GRM7: variants seen among roughly 807,000 people sequenced by gnomAD.
GRM7 encodes metabotropic glutamate receptor 7.
Under a neutral mutation model 84.5 loss-of-function variants are expected in GRM7, and 35 were observed. That is an observed-to-expected ratio of 0.41 (90% CI 0.32 to 0.55). The LOEUF is 0.55. GRM7 is among the 20% of genes least tolerant of loss of function. GRM7 has a pLI of 0.19. For missense variants in GRM7, 1,003 were observed against 1,194.6 expected, an observed-to-expected ratio of 0.84 and a Z score of 2.36; for synonymous variants, 487 against 455.1, an observed-to-expected ratio of 1.07 and a Z score of -0.89.
Position 7,182,929 on chromosome 3 carries a change from A to AGTG in GRM7, c.736+36263_736+36265dup, listed in dbSNP as rs1400592632. Among the ~76,000 whole-genome samples, 8 of 145,138 alleles carry AGTG rather than the reference A, an allele frequency of 5.5e-5. No individual in the cohort carries two copies. In the South Asian group the frequency reaches 1.1e-3, roughly 20 times the overall value. ...TTTTTTTTTTTTCAATGAAAAAGAC[A>AGTG]GTGGACTGGAACTTTTAGTAGTTTT... On this transcript the variant is annotated intron_variant, in intron 2 of 9. Transcript: ENST00000357716.
intron 7 of GRM7, among the ~76,000 whole-genome samples, chr3:7,497,406 T>G (rs1430866932): frequency 6.6e-6 from 1 of 152,184 alleles, no homozygotes; most frequent in Non-Finnish European, 1.5e-5. Flanking sequence ...GTTCCATGAA[T>G]TCTTCCTTCC....
At chr3:7,192,600 C>T (rs1236488416) in intron 2 of GRM7, among the ~76,000 whole-genome samples, 8 of 151,912 alleles carry the variant, frequency 5.3e-5, no homozygotes, top group Admixed American at 2.0e-4. Flanking sequence ...CCTAAGTGGC[C>T]ATTGACGCTC....
intron 7 of GRM7, among the ~76,000 whole-genome samples, chr3:7,561,835 G>A (rs1436834682): frequency 1.3e-5 from 2 of 152,150 alleles, no homozygotes; most frequent in African/African-American, 4.8e-5. Flanking sequence ...ATATATTCAT[G>A]TAAAATAGAC....
intron 7 of GRM7, among the ~76,000 whole-genome samples, chr3:7,557,234 G>A (rs1254171174): frequency 6.6e-6 from 1 of 152,054 alleles, no homozygotes; most frequent in East Asian, 1.9e-4. Flanking sequence ...AGAAATGTAG[G>A]TGGCTATGCT....
chr3:7,739,414 G>A (rs1702614778), intron 9 of GRM7, among the ~76,000 whole-genome samples: 1 of 152,152 alleles, frequency 6.6e-6, no homozygotes, highest in Admixed American at 6.5e-5. Context: ...AAAACAGTAA[G>A]CAAAATAAGC....
At chr3:6,937,897 A>G (rs1242626909) in intron 1 of GRM7, among the ~76,000 whole-genome samples, 1 of 152,364 alleles carries the variant, frequency 6.6e-6, no homozygotes, top group Non-Finnish European at 1.5e-5. Context: ...TGTAGACTAC[A>G]TGCCTCTTGT....
chr3:7,060,000 T>C (rs1187069665), intron 1 of GRM7, among the ~76,000 whole-genome samples: 1 of 151,836 alleles, frequency 6.6e-6, no homozygotes, highest in Non-Finnish European at 1.5e-5. Context: ...AGAGTATACA[T>C]ATTCCAGGCG....
chr3:6,980,859 G>T (rs567372056), intron 1 of GRM7, among the ~76,000 whole-genome samples: 1 of 152,342 alleles, frequency 6.6e-6, no homozygotes, highest in East Asian at 1.9e-4. Context: ...AGAGAAATAG[G>T]AAAAGGCTAT....
At chr3:7,443,994 A>G (rs184238951) in intron 5 of GRM7, among the ~76,000 whole-genome samples, 48 of 152,324 alleles carry the variant, frequency 3.2e-4, no homozygotes, top group Admixed American at 6.5e-4. Flanking sequence ...GGAGGAGGAA[A>G]AAAGATTAAG....
chr3:7,551,675 A>G (rs1693485977), intron 7 of GRM7, among the ~76,000 whole-genome samples: 1 of 151,878 alleles, frequency 6.6e-6, no homozygotes, highest in Non-Finnish European at 1.5e-5. Context: ...TAGTTGCACA[A>G]TAAATGAGAG....
At chr3:7,324,249 G>C (rs1700896531) in intron 4 of GRM7, among the ~76,000 whole-genome samples, 1 of 152,128 alleles carries the variant, frequency 6.6e-6, no homozygotes, top group Admixed American at 6.5e-5. Context: ...AAGATTCCTT[G>C]AAAAATCTAG....
chr3:7,271,456 G>C (rs941654781), intron 2 of GRM7, among the ~76,000 whole-genome samples: 1 of 151,534 alleles, frequency 6.6e-6, no homozygotes, highest in African/African-American at 2.4e-5. Flanking sequence ...CTACTCGGGA[G>C]GCTGAGGCAG....
intron 9 of GRM7, chr3:7,680,865 T>TA (rs1363584117): frequency 6.5e-6 from 1 of 153,958 alleles, no homozygotes; most frequent in Non-Finnish European, 1.4e-5. Flanking sequence ...ATATCTACCA[T>TA]ACCACTGGAG....
At chr3:7,687,572 TAGAG>T (rs1363551239) in intron 9 of GRM7, among the ~76,000 whole-genome samples, 33 of 152,136 alleles carry the variant, frequency 2.2e-4, no homozygotes, top group Admixed American at 2.2e-3. Flanking sequence ...ACTCATATAA[TAGAG>T]AGACCTGTCT....
chr3:6,926,131 A>C (rs1373400669), intron 1 of GRM7, among the ~76,000 whole-genome samples: 1 of 152,206 alleles, frequency 6.6e-6, no homozygotes, highest in African/African-American at 2.4e-5. Context: ...TTCTTATGTC[A>C]TAAAATCTAT....
At chr3:6,966,758 C>A (rs1215360081) in intron 1 of GRM7, among the ~76,000 whole-genome samples, 2 of 152,106 alleles carry the variant, frequency 1.3e-5, no homozygotes, top group African/African-American at 4.8e-5. Context: ...ACTAGTAAAA[C>A]AAAAGAGTCT....
intron 7 of GRM7, among the ~76,000 whole-genome samples, chr3:7,525,357 T>A (rs1212181863): frequency 2.6e-5 from 4 of 152,098 alleles, no homozygotes; most frequent in African/African-American, 9.7e-5. Flanking sequence ...GTGAACTGAA[T>A]CCAAATCTTT....
intron 1 of GRM7, among the ~76,000 whole-genome samples, chr3:7,062,595 A>T (rs1559414107): frequency 6.6e-6 from 1 of 151,796 alleles, no homozygotes. Flanking sequence ...TGACTCACAA[A>T]ATGGGTCAAC....
At chr3:7,294,779 AACTG>A (rs1175077567) in intron 2 of GRM7, among the ~76,000 whole-genome samples, 11 of 152,138 alleles carry the variant, frequency 7.2e-5, no homozygotes, top group South Asian at 2.1e-4. Flanking sequence ...GCTTTACACA[AACTG>A]ACTAAGAATC....
Sources: gnomAD v4.1 joint callset for allele counts (sites outside exome capture counted in the v4.1 genomes callset) on GRCh38, gnomAD v4.1.1 for gene constraint, MANE v1.5 for transcripts, NCBI Gene and HGNC (gene_info 2026-07-23, HGNC 2026-07-21) for gene names.